U2SURP: variants seen among roughly 807,000 people sequenced by gnomAD.
U2SURP encodes U2 snRNP-associated SURP motif-containing protein.
U2SURP carries 9 observed loss-of-function variants against 144.9 expected under a neutral mutation model. The observed-to-expected ratio is 0.06, with a 90% confidence interval of 0.04 to 0.11. U2SURP has a LOEUF of 0.11. Ranked by LOEUF, U2SURP falls within the 10% of genes least tolerant of loss-of-function variation. The pLI, the probability that U2SURP is intolerant of heterozygous loss-of-function variation, is 1.00. For synonymous variants in U2SURP, 408 were observed against 396.8 expected (o/e 1.03, Z -0.33); for missense variants, 724 against 1,226.7 (o/e 0.59, Z 6.12).
At chr3:143,015,331 A>G (rs1936315189) in intron 4 of U2SURP, among the ~76,000 whole-genome samples, 1 of 151,590 alleles carries the variant, frequency 6.6e-6, no homozygotes, top group Non-Finnish European at 1.5e-5. Flanking sequence ...TTTTTTTCTC[A>G]CTTTGTTGAT....
In U2SURP at chr3:143,012,312, C is replaced by T. The variant is rs756336065; in HGVS notation, c.181C>T (p.Arg61Cys). 32 of 1,612,440 alleles carry T rather than the reference C, an allele frequency of 2.0e-5. No individual in the cohort carries two copies. The highest frequency in any genetic ancestry group is 2.5e-5 in the Non-Finnish European group (30 of 1,179,114). ...RKHNYRNESARESLCDSPHQN... is the reference protein window; with the variant it reads ...RKHNYRNESACESLCDSPHQN... ...ACATAATTATAGGAATGAAAGTGCC[C>T]GTGAAAGCCTTTGTGATTCTCCTCA... The change falls in exon 3 of 28, where the codon CGT (arginine) becomes TGT (cysteine). Residue 61 changes from arginine (R) to cysteine (C), a missense_variant. By Grantham distance (180) the Arg-to-Cys change is radical. This residue lies in a region of U2SURP where 127 missense variants were observed against 98.2 expected (regional missense o/e 1.29). Transcript: ENST00000473835.
intron 10 of U2SURP, 38 bp from the exon 11 acceptor site, chr3:143,022,459 T>C: frequency 7.0e-7 from 1 of 1,432,496 alleles, no homozygotes; most frequent in Non-Finnish European, 9.2e-7. Flanking sequence ...TTCTTTTCCC[T>C]TTTTTGCATA....
At chr3:143,031,405 C>CAACCTTCAGCTACCACCGCCCT (rs1315335915) in intron 16 of U2SURP, among the ~76,000 whole-genome samples, 105 of 48,828 alleles carry the variant, frequency 2.2e-3, no homozygotes, top group East Asian at 0.02. Flanking sequence ...GCAGCCACCC[C>CAACCTTCAGCTACCACCGCCCT]AACCTTCAGC....
chr3:143,024,445 G>A, intron 13 of U2SURP: 1 of 421,432 alleles, frequency 2.4e-6, no homozygotes, highest in Non-Finnish European at 4.7e-6. Context: ...CCTTACTGAA[G>A]GCATAGCTTT....
At position 143,012,266 on chromosome 3, in the gene U2SURP, A is replaced by G; in HGVS notation, c.135A>G (p.Thr45=). ...GPSDSDMPSR[T]RPKSPRKHNY... The stretch of plus-strand genomic sequence containing the variant: ...CAGATAGTGATATGCCAAGTCGGAC[A>G]CGACCTAAGAGCCCAAGAAAACATA... Residue 45 remains threonine, a synonymous_variant, in exon 3 of 28, where the codon ACA becomes ACG. Transcript: ENST00000473835. 2 of 1,613,414 alleles carry G rather than the reference A, an allele frequency of 1.2e-6. No individual in the cohort carries two copies. Among genetic ancestry groups the G allele is most frequent in the Non-Finnish European group, 1.7e-6 (2 of 1,179,514 alleles).
intron 1 of U2SURP, among the ~76,000 whole-genome samples, chr3:143,004,369 T>G (rs1935710646): frequency 7.0e-6 from 1 of 142,920 alleles, no homozygotes; most frequent in Non-Finnish European, 1.5e-5. Flanking sequence ...TTTTTTTTTT[T>G]TTTTTTTTTT....
At chr3:143,010,050 C>A (rs1212572338) in intron 1 of U2SURP, among the ~76,000 whole-genome samples, 3 of 152,160 alleles carry the variant, frequency 2.0e-5, no homozygotes, top group African/African-American at 7.2e-5. Context: ...AGTAAAAATT[C>A]TTGGAGAATC....
intron 6 of U2SURP, among the ~76,000 whole-genome samples, chr3:143,017,885 A>G (rs371441099): frequency 3.3e-5 from 5 of 151,904 alleles, no homozygotes; most frequent in Admixed American, 2.0e-4. Flanking sequence ...TTGCCTCCCA[A>G]AGTGCTGGGA....
At chr3:143,056,058 G>T (rs1446596648) in intron 27 of U2SURP, among the ~76,000 whole-genome samples, 1 of 152,136 alleles carries the variant, frequency 6.6e-6, no homozygotes. Flanking sequence ...TGATTCAGTA[G>T]AGCAGTGATA....
chr3:143,029,200 A>G (rs186304170), intron 16 of U2SURP, among the ~76,000 whole-genome samples: 10 of 152,364 alleles, frequency 6.6e-5, no homozygotes, highest in Non-Finnish European at 1.2e-4. Flanking sequence ...TGTATACCTC[A>G]TGGGAAAACA....
chr3:143,025,319 A>T (rs1331380084), intron 13 of U2SURP, among the ~76,000 whole-genome samples: 2 of 152,218 alleles, frequency 1.3e-5, no homozygotes, highest in Non-Finnish European at 2.9e-5. Context: ...ATTTCTAAAC[A>T]AAATTTTGAG....
intron 6 of U2SURP, among the ~76,000 whole-genome samples, chr3:143,017,602 A>G (rs1009789673): frequency 6.6e-6 from 1 of 152,082 alleles, no homozygotes; most frequent in Non-Finnish European, 1.5e-5. Context: ...TTATTGAGAT[A>G]TAATTCACAT....
chr3:143,022,339 C>T (rs749417600), intron 10 of U2SURP, among the ~76,000 whole-genome samples, 158 bp from the exon 11 acceptor site: 2 of 152,188 alleles, frequency 1.3e-5, no homozygotes, highest in African/African-American at 4.8e-5. Context: ...GAATGCCCCA[C>T]GCGGGATTTT....
chr3:143,049,094 A>T (rs1013247944), intron 24 of U2SURP, among the ~76,000 whole-genome samples: 11 of 100,964 alleles, frequency 1.1e-4, no homozygotes, highest in South Asian at 9.2e-4. Context: ...GTCTCTGCTT[A>T]AAAAAAAAAA....
At chr3:143,012,168 A>G (rs2108273061) in intron 2 of U2SURP, 54 bp from the exon 3 acceptor site, 3 of 1,581,592 alleles carry the variant, frequency 1.9e-6, no homozygotes, top group Non-Finnish European at 1.7e-6. Flanking sequence ...TTTCAGTGCT[A>G]TATATGTATA....
At chr3:143,030,993 G>T (rs115477972) in intron 16 of U2SURP, among the ~76,000 whole-genome samples, 2,638 of 152,280 alleles carry the variant, frequency 0.017, 77 homozygotes, top group African/African-American at 0.06. Context: ...GACTTTGAGG[G>T]ATTTAAGACT....
At chr3:143,014,541 T>C (rs1352247026) in intron 4 of U2SURP, 132 bp downstream of exon 4, 1 of 530,856 alleles carries the variant, frequency 1.9e-6, no homozygotes, top group Non-Finnish European at 3.3e-6. Flanking sequence ...CTGAGTCAAG[T>C]CTGTAATACA....
intron 1 of U2SURP, among the ~76,000 whole-genome samples, chr3:143,003,602 A>G (rs1159653373): frequency 6.6e-6 from 1 of 151,846 alleles, no homozygotes; most frequent in Non-Finnish European, 1.5e-5. Context: ...ATAAATTTTA[A>G]TCCTGTGATT....
At chr3:143,019,496 A>G (rs551302552) in intron 6 of U2SURP, among the ~76,000 whole-genome samples, 2 of 152,266 alleles carry the variant, frequency 1.3e-5, no homozygotes, top group African/African-American at 4.8e-5. Flanking sequence ...ATTTTTCTGT[A>G]TGTAGATATT....
Sources: allele counts gnomAD v4.1 joint callset (sites outside exome capture counted in the v4.1 genomes callset), GRCh38; gene constraint gnomAD v4.1.1; regional missense constraint gnomAD v4.1.1; transcripts MANE v1.5; gene names NCBI Gene and HGNC (gene_info 2026-07-23, HGNC 2026-07-21).